PDSS1: variants seen among roughly 807,000 people sequenced by gnomAD.
PDSS1 encodes the protein decaprenyl diphosphate synthase subunit 1.
PDSS1 carries 43 observed loss-of-function variants against 57.5 expected under a neutral mutation model. That is an observed-to-expected ratio of 0.75 (90% CI 0.59 to 0.96). The LOEUF is 0.96. Ranked by LOEUF, PDSS1 falls within the 50% of genes least tolerant of loss-of-function variation. The pLI, the probability that PDSS1 is intolerant of heterozygous loss-of-function variation, is 0.00. For missense variants in PDSS1, 438 were observed against 527.8 expected (o/e 0.83, Z 1.67); for synonymous variants, 175 against 191.3 (o/e 0.91, Z 0.70).
Position 26,721,423 on chromosome 10 carries a change from T to TAC in PDSS1, c.609+1090_609+1091dup, listed in dbSNP as rs1554795596. ...CTTATTAAAAGAAGAGATATATGTA[T>TAC]ACACACACACACACACACACACACA... On this transcript the variant is annotated intron_variant, in intron 6 of 11. Transcript: ENST00000376215. Among the ~76,000 whole-genome samples the TAC allele has an allele frequency of 2.9e-3, 440 of 149,362 alleles. 1 individual carries two copies. Among genetic ancestry groups the TAC allele is most frequent in the African/African-American group, 9.4e-3 (381 of 40,748 alleles).
At chr10:26,721,682 C>T (rs1835791542) in intron 6 of PDSS1, among the ~76,000 whole-genome samples, 1 of 152,226 alleles carries the variant, frequency 6.6e-6, no homozygotes, top group African/African-American at 2.4e-5. Context: ...TCCCTGCCGT[C>T]AGCTGTATCT....
chr10:26,708,413 C>T (rs1223791005), intron 4 of PDSS1, among the ~76,000 whole-genome samples: 1 of 152,212 alleles, frequency 6.6e-6, no homozygotes, highest in East Asian at 1.9e-4. Flanking sequence ...AGCCCATCTC[C>T]TCCATGAAAT....
chr10:26,729,473 G>T (rs1024729398), intron 8 of PDSS1, among the ~76,000 whole-genome samples: 1 of 152,198 alleles, frequency 6.6e-6, no homozygotes, highest in Non-Finnish European at 1.5e-5. Flanking sequence ...CACAGGATTT[G>T]TGGTTTATTC....
chr10:26,731,319 C>T lies in PDSS1; in HGVS notation c.832-3921C>T, dbSNP rs745912479. Among the ~76,000 whole-genome samples the T allele has an allele frequency of 9.9e-5, 15 of 152,044 alleles. No individual in the cohort carries two copies. In the South Asian group the frequency reaches 1.7e-3, roughly 17 times the overall value. ...TCACGTCACTGCACTCCAGCATGGGCGACAAAGTGAGACTCCATCTCAAAA... is the reference window on the plus strand; with the variant it reads ...TCACGTCACTGCACTCCAGCATGGGTGACAAAGTGAGACTCCATCTCAAAA... On this transcript the variant is annotated intron_variant, in intron 8 of 11. Transcript: ENST00000376215.
chr10:26,735,366 T>G, intron 9 of PDSS1, 46 bp downstream of exon 9: 1 of 1,409,484 alleles, frequency 7.1e-7, no homozygotes, highest in Non-Finnish European at 1.0e-6. Flanking sequence ...AGTGATACAG[T>G]CAGCATTCTC....
At chr10:26,741,747 CCTGTTAGATGGTGGCAT>C (rs1836618905) in intron 10 of PDSS1, among the ~76,000 whole-genome samples, 1 of 152,180 alleles carries the variant, frequency 6.6e-6, no homozygotes, top group African/African-American at 2.4e-5. Flanking sequence ...ACTGGTGTCA[CCTGTTAGATGGTGGCAT>C]CTGTTAGAAA....
chr10:26,746,236 G>T, intron 11 of PDSS1, 97 bp from the exon 12 acceptor site: 1 of 1,220,272 alleles, frequency 8.2e-7, no homozygotes, highest in Non-Finnish European at 1.2e-6. Context: ...CAGCTCATCT[G>T]ATCTCAAAAC....
At chr10:26,714,189 A>G (rs1269054712) in intron 5 of PDSS1, among the ~76,000 whole-genome samples, 1 of 152,126 alleles carries the variant, frequency 6.6e-6, no homozygotes, top group Non-Finnish European at 1.5e-5. Context: ...AAAGAGCTTT[A>G]TGGGCTGGGC....
intron 11 of PDSS1, among the ~76,000 whole-genome samples, chr10:26,743,326 C>T (rs1036713933): frequency 1.3e-5 from 2 of 152,070 alleles, no homozygotes; most frequent in African/African-American, 4.8e-5. Flanking sequence ...TCGGAGTGAG[C>T]AAAAAATCAT....
chr10:26,732,503 A>G (rs1456027921), intron 8 of PDSS1, among the ~76,000 whole-genome samples: 1 of 150,562 alleles, frequency 6.6e-6, no homozygotes, highest in Admixed American at 6.6e-5. Context: ...GTTGCCCAGC[A>G]TAGAAGCAGC....
At position 26,699,397 on chromosome 10, in the gene PDSS1, C is replaced by CTT. The variant is rs760230667; in HGVS notation, c.129+1571_129+1572dup. On this transcript the variant is annotated intron_variant, in intron 1 of 11. Transcript: ENST00000376215. ...CCACTACATGCTTCTTCTTCTTCTT[C>CTT]TTTTTTTTTTTTTTTGACACAGAGT... Among the ~76,000 whole-genome samples, 230 of 136,792 alleles carry CTT rather than the reference C, an allele frequency of 1.7e-3. 1 individual carries two copies. Among genetic ancestry groups the CTT allele is most frequent in the East Asian group, 6.8e-3 (32 of 4,688 alleles). The allele number at this position is 136,792 out of a possible 152,430, so 89.7% of individuals were successfully genotyped here. A position where few individuals can be genotyped will look rare whatever the true frequency, so the allele number is the denominator to read the frequency against.
intron 5 of PDSS1, among the ~76,000 whole-genome samples, chr10:26,712,917 T>G (rs1835441700): frequency 1.0e-5 from 1 of 97,882 alleles, no homozygotes; most frequent in Non-Finnish European, 2.4e-5. Context: ...ACAATCAAAG[T>G]TTAATGGCTC....
In PDSS1 at chr10:26,702,689, C is replaced by T. The variant is rs532714665; in HGVS notation, c.162+495C>T. Reference sequence around the variant, plus strand: ...AATGTGAAAACATACTAATACACCTCGTTTCTAAAAATCAGCTACGCATTG... The same window carrying T: ...AATGTGAAAACATACTAATACACCTTGTTTCTAAAAATCAGCTACGCATTG... On this transcript the variant is annotated intron_variant, in intron 2 of 11. Transcript: ENST00000376215. Among the ~76,000 whole-genome samples the T allele has an allele frequency of 5.9e-5, 9 of 152,248 alleles. No homozygotes were observed. The South Asian group carries it at 1.7e-3, about 28-fold the overall frequency.
intron 8 of PDSS1, among the ~76,000 whole-genome samples, chr10:26,725,182 A>G (rs1363143254): frequency 6.6e-6 from 1 of 152,238 alleles, no homozygotes; most frequent in African/African-American, 2.4e-5. Context: ...TGACATTCCC[A>G]TGTAATTACA....
At chr10:26,719,753 G>A (rs4749181) in intron 5 of PDSS1, among the ~76,000 whole-genome samples, 61,496 of 152,092 alleles carry the variant, frequency 0.4, 12,841 homozygotes, top group East Asian at 0.6. Flanking sequence ...GTGACAGAGC[G>A]AGACCCTGTC....
chr10:26,714,029 C>G (rs1835478582), intron 5 of PDSS1, among the ~76,000 whole-genome samples: 1 of 152,150 alleles, frequency 6.6e-6, no homozygotes, highest in Admixed American at 6.5e-5. Context: ...ATCCTCTCCC[C>G]CTCCCTCAGG....
At chr10:26,720,441 A>C in intron 6 of PDSS1, 82 bp downstream of exon 6, 38 of 939,042 alleles carry the variant, frequency 4.0e-5, no homozygotes, top group Middle Eastern at 2.1e-4. Context: ...GATTTGTCTC[A>C]TTAAAAATAT....
chr10:26,699,610 G>A (rs1047445953), intron 1 of PDSS1, among the ~76,000 whole-genome samples: 1 of 152,024 alleles, frequency 6.6e-6, no homozygotes, highest in Non-Finnish European at 1.5e-5. Flanking sequence ...GCCCAGGCTG[G>A]TCTGGAACTC....
intron 8 of PDSS1, among the ~76,000 whole-genome samples, chr10:26,733,932 CCA>C (rs1420352024): frequency 1.3e-5 from 2 of 152,140 alleles, no homozygotes; most frequent in Non-Finnish European, 2.9e-5. Flanking sequence ...TATGATCGCA[CCA>C]CTGTACCCCA....
Sources: gnomAD v4.1 joint callset for allele counts (sites outside exome capture counted in the v4.1 genomes callset) on GRCh38, gnomAD v4.1.1 for gene constraint, MANE v1.5 for transcripts, NCBI Gene and HGNC (gene_info 2026-07-23, HGNC 2026-07-21) for gene names.